Variants in ZW10 observed in about 807,000 individuals in gnomAD.
The protein encoded by ZW10 is centromere/kinetochore protein zw10 homolog.
A neutral mutation model predicts 87.8 loss-of-function variants in ZW10; 53 were observed. That is an observed-to-expected ratio of 0.60 (90% confidence interval 0.48 to 0.76). The LOEUF is 0.76. Ranked by LOEUF, ZW10 falls within the 30% of genes least tolerant of loss-of-function variation. ZW10 has a pLI of 0.00. For synonymous variants in ZW10, 312 were observed against 329.2 expected, an observed-to-expected ratio of 0.95 and a Z score of 0.57; for missense variants, 837 against 923.0, an observed-to-expected ratio of 0.91 and a Z score of 1.21.
rs201487447 is a variant in ZW10 at position 113,768,860 on chromosome 11, G to T, written c.213C>A (p.Asp71Glu). The T allele has an allele frequency of 1.2e-6, 2 of 1,614,110 alleles. No individual in the cohort carries two copies. Among genetic ancestry groups the T allele is most frequent in the Non-Finnish European group, 1.7e-6 (2 of 1,180,014 alleles). The change falls in exon 2 of 16, where the codon GAC (aspartate) becomes GAA (glutamate). Residue 71 changes from aspartate to glutamate, a missense_variant. Coordinates refer to ENST00000200135, the MANE Select transcript of ZW10 (RefSeq NM_004724.4). ...CACTCTCTATCCTGGATTTCAGCAG[G>T]TCAATGTCTTCAGATAGCTTATCCA... Reference protein sequence around the residue: ...TQVDKLSEDIDLLKSRIESEV... With the variant: ...TQVDKLSEDIELLKSRIESEV...
At chr11:113,760,105 TA>T (rs1222465246) in intron 5 of ZW10, 103 bp downstream of exon 5, 19 of 1,345,240 alleles carry the variant, frequency 1.4e-5, no homozygotes, top group Non-Finnish European at 1.8e-5. Context: ...CATGGAAGAT[TA>T]TGAATGAACC....
rs1953628150 is a variant in ZW10 at position 113,742,278 on chromosome 11, A to G, written c.1512-513T>C. On this transcript the variant is annotated intron_variant, in intron 10 of 15. Coordinates refer to ENST00000200135, the MANE Select transcript of ZW10 (RefSeq NM_004724.4). Reference sequence around the variant, plus strand: ...TAGCCCTCAAGATTTTTTGCCCTTTAAATCTAGCCTTAAAACACCTACAGA... The same window carrying G: ...TAGCCCTCAAGATTTTTTGCCCTTTGAATCTAGCCTTAAAACACCTACAGA... Among the ~76,000 whole-genome samples the G allele has an allele frequency of 2.6e-5, 4 of 152,244 alleles. No individual in the cohort carries two copies. In the South Asian group the frequency reaches 8.3e-4, roughly 32 times the overall value.
At chr11:113,743,742 T>G in intron 10 of ZW10, 60 bp downstream of exon 10, 1 of 1,254,994 alleles carries the variant, frequency 8.0e-7, no homozygotes, top group Non-Finnish European at 1.2e-6. Flanking sequence ...CTGATAAACA[T>G]CTAGTTAGAT....
rs1417295299 is a variant in ZW10, at chr11:113,757,834, A to G, written c.753T>C (p.Tyr251=). 1.2e-6 allele frequency: 2 copies of G among 1,603,868 alleles called. No homozygotes were observed. Among genetic ancestry groups the G allele is most frequent in the African/African-American group, 2.7e-5 (2 of 74,548 alleles). ...GGCAAGATGCCAGCGGCCTAAGGAT[A>G]TACTTCAGCAGCATCTGACCTGAAA... ...LKSFGQMLLK[Y]ILRPLASCPS... is the part of the protein sequence containing the mutation. Residue 251 remains tyrosine (Y), a synonymous_variant, in exon 7 of 16, where the codon TAT becomes TAC. Transcript: ENST00000200135.
intron 7 of ZW10, among the ~76,000 whole-genome samples, chr11:113,755,771 C>A (rs555647759): frequency 6.6e-6 from 1 of 152,156 alleles, no homozygotes; most frequent in Non-Finnish European, 1.5e-5. Context: ...CGCAGCCATC[C>A]AACCTTCAGC....
intron 7 of ZW10, among the ~76,000 whole-genome samples, chr11:113,755,156 T>C (rs1488409509): frequency 6.6e-6 from 1 of 152,250 alleles, no homozygotes; most frequent in African/African-American, 2.4e-5. Context: ...TCAAGTCTTA[T>C]TATTCAAGAA....
At chr11:113,750,774 T>G (rs1056140841) in intron 7 of ZW10, among the ~76,000 whole-genome samples, 1 of 152,030 alleles carries the variant, frequency 6.6e-6, no homozygotes, top group Non-Finnish European at 1.5e-5. Flanking sequence ...AACTTCTAAC[T>G]TTCACCCGCT....
At chr11:113,756,336 A>C (rs1393182343) in intron 7 of ZW10, among the ~76,000 whole-genome samples, 2 of 152,202 alleles carry the variant, frequency 1.3e-5, no homozygotes, top group Non-Finnish European at 2.9e-5. Context: ...TCAAAAAATA[A>C]AAATGTTTAT....
chr11:113,742,903 A>G (rs1212267780), intron 10 of ZW10, among the ~76,000 whole-genome samples: 1 of 152,236 alleles, frequency 6.6e-6, no homozygotes, highest in African/African-American at 2.4e-5. Flanking sequence ...TGAACTTGGA[A>G]AGTCCATCTA....
chr11:113,743,742 T>A, intron 10 of ZW10, 60 bp downstream of exon 10: 2 of 1,254,994 alleles, frequency 1.6e-6, no homozygotes, highest in East Asian at 4.7e-5. Flanking sequence ...CTGATAAACA[T>A]CTAGTTAGAT....
Position 113,773,578 on chromosome 11 carries a change from C to G in ZW10, c.89G>C (p.Arg30Pro). 1 of 1,613,680 alleles carries G rather than the reference C, an allele frequency of 6.2e-7. No individual in the cohort carries two copies. Among genetic ancestry groups the G allele is most frequent in the Non-Finnish European group, 8.5e-7 (1 of 1,179,974 alleles). The stretch of plus-strand genomic sequence containing the variant: ...CGCTCTCACCTTGATCTCCTCCACC[C>G]GCCGGGTCAGGCGGCTGATCCGGGT... Reference protein sequence around the residue: ...LGTRISRLTRRVEEIKGEVCN... With the variant: ...LGTRISRLTRPVEEIKGEVCN... The change falls in exon 1 of 16, where the codon CGG becomes CCG. Residue 30 changes from arginine to proline, a missense_variant. Transcript: ENST00000200135.
Position 113,741,769 on chromosome 11 carries a change from A to C in ZW10, c.1512-4T>G. On this transcript the variant is annotated splice_region_variant and splice_polypyrimidine_tract_variant and intron_variant, in intron 10 of 15. Coordinates refer to ENST00000200135, the MANE Select transcript of ZW10 (RefSeq NM_004724.4). ...TGAGTAGAAAAGTTGAACAGCACTAAAAAGAAAACATAGACTTAACAGAAA... is the reference window on the plus strand; with the variant it reads ...TGAGTAGAAAAGTTGAACAGCACTACAAAGAAAACATAGACTTAACAGAAA... 1 of 1,601,218 alleles carries C rather than the reference A, an allele frequency of 6.2e-7. No homozygotes were observed. The highest frequency in any genetic ancestry group is 1.1e-5 in the South Asian group (1 of 88,622).
chr11:113,750,124 C>A (rs1953719979), intron 7 of ZW10, among the ~76,000 whole-genome samples: 2 of 151,926 alleles, frequency 1.3e-5, no homozygotes, highest in African/African-American at 2.4e-5. Flanking sequence ...AAATTTAAAA[C>A]AAAGCATACT....
chr11:113,760,524 G>T lies in ZW10; in HGVS notation c.409C>A (p.Arg137Ser). The T allele has an allele frequency of 1.2e-6, 2 of 1,613,424 alleles. No individual in the cohort carries two copies. The highest frequency in any genetic ancestry group is 1.7e-6 in the Non-Finnish European group (2 of 1,179,692). ...TEKKYVTGAQ[R>S]LEEAQKCLKL... The stretch of plus-strand genomic sequence containing the variant: ...AGAGCATTTAGTACCTCTTCCAGAC[G>T]CTGAGCACCAGTGACATACTTCTTC... Residue 137 changes from arginine to serine, a missense_variant, in exon 4 of 16, where the codon CGT (arginine) becomes AGT (serine). Coordinates refer to ENST00000200135, the MANE Select transcript of ZW10 (RefSeq NM_004724.4).
chr11:113,758,939 C>T (rs879493499), intron 5 of ZW10, among the ~76,000 whole-genome samples: 18 of 152,068 alleles, frequency 1.2e-4, no homozygotes, highest in Admixed American at 9.2e-4. Context: ...TTTGGGAGGT[C>T]GAGGCGGGAG....
At chr11:113,748,518 G>T in intron 7 of ZW10, 98 bp from the exon 8 acceptor site, 1 of 999,332 alleles carries the variant, frequency 1.0e-6, no homozygotes, top group Non-Finnish European at 1.4e-6. Context: ...AGATGATGGG[G>T]AAGAAAACAG....
At chr11:113,748,521 GA>G in intron 7 of ZW10, 101 bp from the exon 8 acceptor site, 1 of 979,214 alleles carries the variant, frequency 1.0e-6, no homozygotes, top group African/African-American at 1.6e-5. Flanking sequence ...TGATGGGGAA[GA>G]AAACAGCACA....
At chr11:113,762,496 T>C (rs532431780) in intron 2 of ZW10, among the ~76,000 whole-genome samples, 1 of 152,202 alleles carries the variant, frequency 6.6e-6, no homozygotes, top group Non-Finnish European at 1.5e-5. Flanking sequence ...ATTAGCTTAC[T>C]GTAACATTTT....
intron 1 of ZW10, chr11:113,769,661 T>C: frequency 3.2e-6 from 1 of 315,236 alleles, no homozygotes; most frequent in South Asian, 2.9e-5. Flanking sequence ...CCAGGCATCA[T>C]GTACTACAAA....
Sources: allele counts gnomAD v4.1 joint callset (sites outside exome capture counted in the v4.1 genomes callset), GRCh38; gene constraint gnomAD v4.1.1; transcripts MANE v1.5; gene names NCBI Gene and HGNC (gene_info 2026-07-23, HGNC 2026-07-21).